The following KNDC1 variants were observed in gnomAD, a reference collection of about 807,000 sequenced individuals.
KNDC1 encodes the protein kinase non-catalytic C-lobe domain containing 1.
KNDC1 carries 106 observed loss-of-function variants against 172.8 expected under a neutral mutation model. The ratio of observed to expected loss-of-function variants is 0.61; its 90% confidence interval spans 0.52 to 0.72. KNDC1 has a LOEUF of 0.72. Ranked by LOEUF, KNDC1 falls within the 30% of genes least tolerant of loss-of-function variation. The pLI, the probability that KNDC1 is intolerant of heterozygous loss-of-function variation, is 0.00. For missense variants in KNDC1, 2,325 were observed against 2,394.5 expected (o/e 0.97, Z 0.61); for synonymous variants, 1,083 against 1,062.2 (o/e 1.02, Z -0.38).
In KNDC1 at chr10:133,224,831, G is replaced by A. The variant is rs181526519; in HGVS notation, c.5191G>A (p.Glu1731Lys). The A allele has an allele frequency of 1.9e-5, 30 of 1,614,096 alleles. 1 individual carries two copies. The African/African-American group carries it at 2.7e-4, about 14-fold the overall frequency. Residue 1731 changes from glutamate (E) to lysine (K), a missense_variant, in exon 30 of 30, where the codon GAG becomes AAG. Transcript: ENST00000304613. This position sits in a 1 kb window ranked among gnomAD's most constrained non-coding sequence, Gnocchi z 5.4. Reference protein sequence around the residue: ...SRANFHQVSSEKHSRKIQDKL... With the variant: ...SRANFHQVSSKKHSRKIQDKL... ...GGCCAACTTCCACCAGGTCTCCAGC[G>A]AGAAGCACTCACGGAAGATTCAGGA...
At position 133,163,131 on chromosome 10, in the gene KNDC1, G is replaced by A. The variant is rs1853030099; in HGVS notation, c.102+2562G>A. 6.6e-6 allele frequency among the ~76,000 whole-genome samples: 1 copy of A among 152,212 alleles called. No individual in the cohort carries two copies. Among genetic ancestry groups the A allele is most frequent in the African/African-American group, 2.4e-5 (1 of 41,442 alleles). ...ACAGTGCAATCCAGGCAGAACAGCGGCTGCAGAAGAGGCACACAGTCCAGG... is the reference window on the plus strand; with the variant it reads ...ACAGTGCAATCCAGGCAGAACAGCGACTGCAGAAGAGGCACACAGTCCAGG... On this transcript the variant is annotated intron_variant, in intron 1 of 29. Coordinates refer to ENST00000304613, the MANE Select transcript of KNDC1 (RefSeq NM_152643.8). This position sits in a 1 kb window ranked among gnomAD's most constrained non-coding sequence, Gnocchi z 4.4.
chr10:133,166,626 G>A (rs935557496), intron 1 of KNDC1, among the ~76,000 whole-genome samples: 2 of 152,124 alleles, frequency 1.3e-5, no homozygotes, highest in African/African-American at 4.8e-5. Flanking sequence ...ACCAGCGTCC[G>A]AGTGTTACTG....
intron 3 of KNDC1, among the ~76,000 whole-genome samples, chr10:133,174,982 G>GGATA (rs1853485614): frequency 6.6e-6 from 1 of 151,528 alleles, no homozygotes; most frequent in African/African-American, 2.4e-5. Context: ...ATGAGTGGGT[G>GGATA]GATGGGTGGA....
chr10:133,206,849 C>T lies in KNDC1; in HGVS notation c.3482-7C>T. ...CCCGGCCCCCACCCACTCTGCTCCA[C>T]CCACAGGTTCCGACGTCAAGACCAT... On this transcript the variant is annotated splice_polypyrimidine_tract_variant and splice_region_variant and intron_variant, in intron 18 of 29. Coordinates refer to ENST00000304613, the MANE Select transcript of KNDC1 (RefSeq NM_152643.8). 1.1e-5 allele frequency: 18 copies of T among 1,614,042 alleles called. No individual in the cohort carries two copies. Among genetic ancestry groups the T allele is most frequent in the Non-Finnish European group, 1.4e-5 (17 of 1,179,930 alleles).
intron 3 of KNDC1, among the ~76,000 whole-genome samples, chr10:133,177,120 TGTATCC>T (rs1196907014): frequency 6.6e-6 from 1 of 152,166 alleles, no homozygotes; most frequent in African/African-American, 2.4e-5. Context: ...TGGCAGAGAA[TGTATCC>T]ATGTCCATGT....
chr10:133,224,923 C>A lies in KNDC1; in HGVS notation c.*33C>A. On this transcript the variant is annotated 3_prime_UTR_variant, in exon 30 of 30. Coordinates refer to ENST00000304613, the MANE Select transcript of KNDC1 (RefSeq NM_152643.8). This position sits in a 1 kb window ranked among gnomAD's most constrained non-coding sequence, Gnocchi z 5.4. ...CGGGCCTGGTGTGGAATTCCAGATC[C>A]GAATCCGACTGTGGGGGGCGGGCTG... The A allele has an allele frequency of 1.3e-6, 2 of 1,551,146 alleles. No individual in the cohort carries two copies. Among genetic ancestry groups the A allele is most frequent in the East Asian group, 2.3e-5 (1 of 43,840 alleles).
intron 12 of KNDC1, 58 bp from the exon 13 acceptor site, chr10:133,198,279 T>G (rs1854249685): frequency 6.8e-7 from 1 of 1,478,486 alleles, no homozygotes; most frequent in Non-Finnish European, 9.0e-7. Context: ...GAGCCGGTGG[T>G]GCGGCACGTG....
chr10:133,160,520 A>C lies in KNDC1; in HGVS notation c.53A>C (p.Asp18Ala). The change falls in exon 1 of 30, where the codon GAC (aspartate) becomes GCC (alanine). Residue 18 changes from aspartate (D) to alanine (A), a missense_variant. Physicochemically the swap from Asp to Ala is moderately radical, Grantham distance 126. Transcript: ENST00000304613. ...AADLYEEDGK[D>A]LDFYDFEPLP... Reference sequence around the variant, plus strand: ...GATCTTTACGAGGAGGACGGCAAAGACCTGGACTTCTACGACTTCGAGCCG... The same window carrying C: ...GATCTTTACGAGGAGGACGGCAAAGCCCTGGACTTCTACGACTTCGAGCCG... 1 of 1,590,826 alleles carries C rather than the reference A, an allele frequency of 6.3e-7. No individual in the cohort carries two copies. The highest frequency in any genetic ancestry group is 8.5e-7 in the Non-Finnish European group (1 of 1,170,560).
intron 26 of KNDC1, 116 bp from the exon 27 acceptor site, chr10:133,218,715 C>T (rs540627752): frequency 1.6e-5 from 22 of 1,339,850 alleles, no homozygotes; most frequent in African/African-American, 5.8e-5. Flanking sequence ...TTTCCACACA[C>T]GTGATGCAGC....
chr10:133,172,986 G>C (rs1213340608), intron 3 of KNDC1, among the ~76,000 whole-genome samples: 1 of 152,196 alleles, frequency 6.6e-6, no homozygotes, highest in African/African-American at 2.4e-5. Flanking sequence ...CTGAGCAGCA[G>C]AGTGAGACGC....
chr10:133,197,793 G>GCC, intron 12 of KNDC1, 25 bp downstream of exon 12: 1 of 1,536,308 alleles, frequency 6.5e-7, no homozygotes, highest in Non-Finnish European at 9.0e-7. Context: ...AGCCCCTGCT[G>GCC]CCCCACCAGC....
rs773308467 is a variant in KNDC1, at chr10:133,207,153, G to A, written c.3596G>A (p.Arg1199His). ...KKYLQVMYAERWGLEPCTLPV... is the reference protein window; with the variant it reads ...KKYLQVMYAEHWGLEPCTLPV... ...CTCCGGCAGGTCATGTACGCGGAAC[G>A]CTGGGGCCTGGAGCCCTGCACCCTC... The change falls in exon 20 of 30, where the codon CGC becomes CAC. Residue 1199 changes from arginine to histidine, a missense_variant. By Grantham distance (29) the Arg-to-His change is conservative. Coordinates refer to ENST00000304613, the MANE Select transcript of KNDC1 (RefSeq NM_152643.8). The A allele has an allele frequency of 8.1e-6, 13 of 1,596,654 alleles. No individual in the cohort carries two copies. Among genetic ancestry groups the A allele is most frequent in the South Asian group, 2.2e-5 (2 of 89,566 alleles).
intron 3 of KNDC1, among the ~76,000 whole-genome samples, chr10:133,176,293 ATGGATGGATAAG>A (rs1853537077): frequency 6.6e-6 from 1 of 151,016 alleles, no homozygotes; most frequent in African/African-American, 2.4e-5. Flanking sequence ...GGATGGGCAG[ATGGATGGATAAG>A]TGGATGGATG....
In KNDC1 at chr10:133,167,506, G is replaced by A. The variant is rs1234768986; in HGVS notation, c.228G>A (p.Gln76=). Residue 76 remains glutamine, a synonymous_variant, in exon 2 of 30, where the codon CAG becomes CAA. Transcript: ENST00000304613. ...MRSVAHAAIF[Q]SLCITPDTLA... is the part of the protein sequence containing the mutation. ...GCGTGGCCCACGCCGCCATCTTCCA[G>A]AGCCTGTGCATCACGCCCGACACCC... The A allele has an allele frequency of 1.9e-6, 3 of 1,605,842 alleles. No individual in the cohort carries two copies. Among genetic ancestry groups the A allele is most frequent in the South Asian group, 1.1e-5 (1 of 89,320 alleles).
chr10:133,185,427 C>T (rs1409003250), intron 5 of KNDC1, among the ~76,000 whole-genome samples: 1 of 145,008 alleles, frequency 6.9e-6, no homozygotes, highest in East Asian at 2.1e-4. Flanking sequence ...GTGGAGTAGG[C>T]AGTGTGTGCA....
rs891308909 is a variant in KNDC1, at chr10:133,224,063, T to C, written c.5019-596T>C. Reference sequence around the variant, plus strand: ...TGAGAGCCCATCCAGGCTTGGCCTTTCTTTGCCGTAATGGACGCCCCTTTC... The same window carrying C: ...TGAGAGCCCATCCAGGCTTGGCCTTCCTTTGCCGTAATGGACGCCCCTTTC... On this transcript the variant is annotated intron_variant, in intron 29 of 29. Coordinates refer to ENST00000304613, the MANE Select transcript of KNDC1 (RefSeq NM_152643.8). This position sits in a 1 kb window ranked among gnomAD's most constrained non-coding sequence, Gnocchi z 5.4. Among the ~76,000 whole-genome samples, 4 of 152,184 alleles carry C rather than the reference T, an allele frequency of 2.6e-5. No individual in the cohort carries two copies. The highest frequency in any genetic ancestry group is 2.0e-4 in the Admixed American group (3 of 15,274).
Position 133,224,923 on chromosome 10 carries a change from C to T in KNDC1, c.*33C>T, listed in dbSNP as rs757703919. On this transcript the variant is annotated 3_prime_UTR_variant, in exon 30 of 30. Coordinates refer to ENST00000304613, the MANE Select transcript of KNDC1 (RefSeq NM_152643.8). The surrounding 1 kb of genome is among the most constrained non-coding windows in gnomAD (Gnocchi z 5.4). Reference sequence around the variant, plus strand: ...CGGGCCTGGTGTGGAATTCCAGATCCGAATCCGACTGTGGGGGGCGGGCTG... The same window carrying T: ...CGGGCCTGGTGTGGAATTCCAGATCTGAATCCGACTGTGGGGGGCGGGCTG... The T allele has an allele frequency of 7.7e-6, 12 of 1,551,026 alleles. No individual in the cohort carries two copies. The highest frequency in any genetic ancestry group is 1.7e-4 in the Middle Eastern group (1 of 5,968).
intron 3 of KNDC1, among the ~76,000 whole-genome samples, chr10:133,180,956 G>A (rs553766234): frequency 2.0e-5 from 3 of 152,342 alleles, no homozygotes; most frequent in Admixed American, 2.0e-4. Flanking sequence ...TAAACCGGAC[G>A]GTCATTTATC....
chr10:133,217,233 T>G (rs1845484820), intron 26 of KNDC1, among the ~76,000 whole-genome samples: 1 of 152,282 alleles, frequency 6.6e-6, no homozygotes, highest in Non-Finnish European at 1.5e-5. Context: ...CGAAATAGTT[T>G]TATCTCAAAA....
Sources: allele counts gnomAD v4.1 joint callset (sites outside exome capture counted in the v4.1 genomes callset), GRCh38; gene constraint gnomAD v4.1.1; non-coding constraint Gnocchi (gnomAD v3.1); transcripts MANE v1.5; gene names NCBI Gene and HGNC (gene_info 2026-07-23, HGNC 2026-07-21).